NCKAP5: variants seen among roughly 807,000 people sequenced by gnomAD.
NCKAP5 encodes nck-associated protein 5.
Under a neutral mutation model 167.0 loss-of-function variants are expected in NCKAP5, and 92 were observed. The ratio of observed to expected loss-of-function variants is 0.55; its 90% CI spans 0.47 to 0.66. The LOEUF (loss-of-function observed/expected upper bound fraction) is 0.66. Ranked by LOEUF, NCKAP5 falls within the 30% of genes least tolerant of loss-of-function variation. The pLI is 0.00. For missense variants in NCKAP5, 2,378 were observed against 2,315.0 expected (o/e 1.03, Z -0.56); for synonymous variants, 891 against 877.4 (o/e 1.02, Z -0.27).
At chr2:133,061,692 G>C (rs1399724845) in intron 6 of NCKAP5, among the ~76,000 whole-genome samples, 1 of 152,194 alleles carries the variant, frequency 6.6e-6, no homozygotes, top group Admixed American at 6.5e-5. Flanking sequence ...CTTTCGATTT[G>C]TTGGGGAAAA....
chr2:132,675,801 G>C (rs993359914), intron 19 of NCKAP5, among the ~76,000 whole-genome samples: 3 of 151,312 alleles, frequency 2.0e-5, no homozygotes, highest in Non-Finnish European at 2.9e-5. Flanking sequence ...GACCTACACT[G>C]GCCAGAGAGG....
At chr2:133,450,991 C>A (rs6746550) in intron 3 of NCKAP5, among the ~76,000 whole-genome samples, 16,516 of 152,198 alleles carry the variant, frequency 0.11, 955 homozygotes, top group Middle Eastern at 0.19. Context: ...TTAGAGCCCC[C>A]AAACCCCCAA....
At chr2:133,346,557 C>T (rs894459198) in intron 3 of NCKAP5, among the ~76,000 whole-genome samples, 1 of 152,164 alleles carries the variant, frequency 6.6e-6, no homozygotes, top group Non-Finnish European at 1.5e-5. Context: ...GAGAACAGTC[C>T]TAGGGTGATG....
intron 14 of NCKAP5, 99 bp downstream of exon 14, chr2:132,781,841 A>T (rs575614042): frequency 8.7e-7 from 1 of 1,146,118 alleles, no homozygotes; most frequent in Non-Finnish European, 1.2e-6. Context: ...GTATGAAAAA[A>T]CATGCTTGAC....
chr2:132,800,843 G>A (rs1373847688), intron 11 of NCKAP5, among the ~76,000 whole-genome samples: 1 of 152,086 alleles, frequency 6.6e-6, no homozygotes, highest in East Asian at 1.9e-4. Flanking sequence ...CTTCCTAACA[G>A]GACAATCAAC....
Position 132,673,066 on chromosome 2 carries a change from A to T in NCKAP5, c.*223T>A. The T allele has an allele frequency of 8.7e-7, 1 of 1,143,392 alleles. No individual in the cohort carries two copies. Among genetic ancestry groups the T allele is most frequent in the Non-Finnish European group, 1.1e-6 (1 of 932,636 alleles). The allele number at this position is 1,143,392 out of a possible 1,614,324, so 70.8% of individuals were successfully genotyped here. A position where few individuals can be genotyped will look rare whatever the true frequency, so the allele number is the denominator to read the frequency against. Reference sequence around the variant, plus strand: ...CTTGACTGGCACAGGAAGAGAAGCTATCATATAAAGAATCACTCAAAGATT... The same window carrying T: ...CTTGACTGGCACAGGAAGAGAAGCTTTCATATAAAGAATCACTCAAAGATT... On this transcript the variant is annotated 3_prime_UTR_variant, in exon 20 of 20. Coordinates refer to ENST00000409261, the MANE Select transcript of NCKAP5 (RefSeq NM_207363.3).
At chr2:133,348,344 C>T (rs548560187) in intron 3 of NCKAP5, among the ~76,000 whole-genome samples, 1 of 152,304 alleles carries the variant, frequency 6.6e-6, no homozygotes, top group South Asian at 2.1e-4. Flanking sequence ...CAATTCAATA[C>T]GTCTGTGTGT....
chr2:132,827,447 T>C (rs1163143999), intron 11 of NCKAP5, among the ~76,000 whole-genome samples: 2 of 152,188 alleles, frequency 1.3e-5, no homozygotes, highest in Non-Finnish European at 2.9e-5. Context: ...ATGGGGTACA[T>C]AGTGATGCTG....
At position 132,782,712 on chromosome 2, in the gene NCKAP5, T is replaced by A; in HGVS notation, c.4099A>T (p.Lys1367Ter). 2.5e-6 allele frequency: 4 copies of A among 1,613,902 alleles called. No individual in the cohort carries two copies. The highest frequency in any genetic ancestry group is 3.4e-6 in the Non-Finnish European group (4 of 1,179,876). Residue 1367 changes from lysine (K) to a stop codon, truncating the protein, a stop_gained, in exon 14 of 20, where the codon AAG becomes TAG. Transcript: ENST00000409261. LOFTEE classifies it high-confidence loss of function. ...SFSSQHGSPSKLPLRIPPKSE... is the reference protein window; with the variant it reads ...SFSSQHGSPS The stretch of plus-strand genomic sequence containing the variant: ...TTTGGAGGGATCCTCAAAGGCAACT[T>A]ACTTGGGCTCCCATGCTGACTGCTG...
intron 3 of NCKAP5, among the ~76,000 whole-genome samples, chr2:133,439,266 A>G (rs1178771738): frequency 6.6e-6 from 1 of 152,212 alleles, no homozygotes; most frequent in African/African-American, 2.4e-5. Flanking sequence ...TGATCCTTTG[A>G]AATGGAAAGG....
intron 3 of NCKAP5, among the ~76,000 whole-genome samples, chr2:133,305,112 G>A (rs1680685830): frequency 6.6e-6 from 1 of 152,132 alleles, no homozygotes; most frequent in Non-Finnish European, 1.5e-5. Flanking sequence ...AGGGACTCAG[G>A]GATACTGGGT....
At chr2:133,309,893 A>G (rs1442884212) in intron 3 of NCKAP5, among the ~76,000 whole-genome samples, 1 of 152,204 alleles carries the variant, frequency 6.6e-6, no homozygotes, top group Non-Finnish European at 1.5e-5. Flanking sequence ...CCTCCAAATA[A>G]TCTTCGTATT....
At chr2:132,714,573 T>C (rs1689173934) in intron 19 of NCKAP5, among the ~76,000 whole-genome samples, 1 of 151,894 alleles carries the variant, frequency 6.6e-6, no homozygotes, top group South Asian at 2.1e-4. Flanking sequence ...ATCCCAGCAC[T>C]TTGGGAAGCC....
chr2:133,600,616 C>A, the NCKAP5 span, among the ~76,000 whole-genome samples: 4 of 152,298 alleles, frequency 2.6e-5, no homozygotes, highest in Admixed American at 2.0e-4. Context: ...CAGGAGATAT[C>A]GCTGGCACCC....
At chr2:133,207,097 A>G (rs1485491621) in intron 5 of NCKAP5, among the ~76,000 whole-genome samples, 1 of 152,014 alleles carries the variant, frequency 6.6e-6, no homozygotes, top group African/African-American at 2.4e-5. Context: ...TTGCCCTTTG[A>G]AGCATGTGAT....
chr2:132,908,478 T>G (rs1466384599), intron 8 of NCKAP5, among the ~76,000 whole-genome samples: 1 of 152,338 alleles, frequency 6.6e-6, no homozygotes, highest in East Asian at 1.9e-4. Flanking sequence ...GATATTATTC[T>G]TCTATCGAAT....
intron 6 of NCKAP5, among the ~76,000 whole-genome samples, chr2:133,074,890 AAT>A (rs1031447255): frequency 6.6e-6 from 1 of 152,168 alleles, no homozygotes; most frequent in Non-Finnish European, 1.5e-5. Flanking sequence ...AGTCACAGAA[AAT>A]GAAAAGAAAG....
At chr2:133,227,808 T>C (rs1290648852) in intron 4 of NCKAP5, among the ~76,000 whole-genome samples, 1 of 152,188 alleles carries the variant, frequency 6.6e-6, no homozygotes, top group Non-Finnish European at 1.5e-5. Context: ...CTGTATGAGT[T>C]GGATTTCTCC....
intron 4 of NCKAP5, among the ~76,000 whole-genome samples, chr2:133,272,260 A>T (rs1457015434): frequency 6.6e-6 from 1 of 152,096 alleles, no homozygotes; most frequent in Non-Finnish European, 1.5e-5. Flanking sequence ...AAAGAAATGA[A>T]ATCAAAGTCT....
Sources: allele counts gnomAD v4.1 joint callset (sites outside exome capture counted in the v4.1 genomes callset), GRCh38; gene constraint gnomAD v4.1.1; transcripts MANE v1.5; gene names NCBI Gene and HGNC (gene_info 2026-07-23, HGNC 2026-07-21).